Variants in NCAM2 observed in about 807,000 individuals in gnomAD.
NCAM2 encodes N-CAM-2.
A neutral mutation model predicts 98.1 loss-of-function variants in NCAM2; 30 were observed. The ratio of observed to expected loss-of-function variants is 0.31; its 90% CI spans 0.23 to 0.41. NCAM2 has a LOEUF of 0.41. Ranked by LOEUF, NCAM2 falls within the 10% of genes least tolerant of loss-of-function variation. The pLI, the probability that NCAM2 is intolerant of heterozygous loss-of-function variation, is 1.00. For synonymous variants in NCAM2, 368 were observed against 342.4 expected, an observed-to-expected ratio of 1.07 and a Z score of -0.83; for missense variants, 867 against 1,005.8, an observed-to-expected ratio of 0.86 and a Z score of 1.87.
At chr21:21,286,157 C>T in intron 3 of NCAM2, 112 bp from the exon 4 acceptor site, 4 of 1,149,230 alleles carry the variant, frequency 3.5e-6, no homozygotes, top group Non-Finnish European at 4.8e-6. Context: ...TCTAGGTTTC[C>T]CTAATTATTT....
intron 1 of NCAM2, among the ~76,000 whole-genome samples, chr21:21,151,654 T>C (rs1208867952): frequency 6.6e-6 from 1 of 152,070 alleles, no homozygotes; most frequent in African/African-American, 2.4e-5. Flanking sequence ...ATGATTCTTA[T>C]TATTTGAAAT....
At chr21:21,480,807 C>G (rs1380905477) in intron 15 of NCAM2, among the ~76,000 whole-genome samples, 4 of 152,174 alleles carry the variant, frequency 2.6e-5, no homozygotes, top group African/African-American at 7.2e-5. Context: ...CTAACGCTGC[C>G]TTTGCAATAG....
chr21:21,377,992 A>G (rs879411094), intron 9 of NCAM2, among the ~76,000 whole-genome samples: 1 of 152,020 alleles, frequency 6.6e-6, no homozygotes, highest in Non-Finnish European at 1.5e-5. Flanking sequence ...AGATTCATCC[A>G]TGTTGTGCAA....
chr21:21,202,967 C>T (rs2069291673), intron 1 of NCAM2, among the ~76,000 whole-genome samples: 1 of 151,984 alleles, frequency 6.6e-6, no homozygotes, highest in Non-Finnish European at 1.5e-5. Context: ...CCACTGTGAC[C>T]ATCACTATCA....
intron 1 of NCAM2, among the ~76,000 whole-genome samples, chr21:21,240,612 C>T (rs2071029477): frequency 6.6e-6 from 1 of 152,118 alleles, no homozygotes; most frequent in Non-Finnish European, 1.5e-5. Context: ...CTTTGAATGA[C>T]AAATTATTCT....
chr21:21,452,482 A>AT (rs1345604567), intron 12 of NCAM2, among the ~76,000 whole-genome samples: 1 of 138,754 alleles, frequency 7.2e-6, no homozygotes, highest in Non-Finnish European at 1.5e-5. Context: ...GCATCAATAG[A>AT]TAAAATATCA....
chr21:21,411,480 A>G (rs2145923038), intron 10 of NCAM2, among the ~76,000 whole-genome samples: 1 of 151,980 alleles, frequency 6.6e-6, no homozygotes, highest in Admixed American at 6.6e-5. Flanking sequence ...AATTATTTTT[A>G]TATTGCCAAG....
At chr21:21,404,031 G>T (rs1254750796) in intron 9 of NCAM2, among the ~76,000 whole-genome samples, 5 of 151,970 alleles carry the variant, frequency 3.3e-5, no homozygotes, top group African/African-American at 9.7e-5. Flanking sequence ...CCCTCTTTAT[G>T]ATAAAAATAA....
intron 15 of NCAM2, among the ~76,000 whole-genome samples, chr21:21,494,338 T>C (rs950480280): frequency 2.6e-5 from 4 of 151,960 alleles, no homozygotes; most frequent in African/African-American, 9.7e-5. Flanking sequence ...AATATATTTT[T>C]CATTTTCTAT....
chr21:21,285,018 G>A (rs2147521049), intron 3 of NCAM2, among the ~76,000 whole-genome samples: 1 of 151,794 alleles, frequency 6.6e-6, no homozygotes, highest in East Asian at 1.9e-4. Context: ...GTTGACTCCT[G>A]CATTTTAAAG....
intron 15 of NCAM2, among the ~76,000 whole-genome samples, chr21:21,491,125 T>G (rs1986812937): frequency 6.6e-6 from 1 of 151,832 alleles, no homozygotes; most frequent in Admixed American, 6.6e-5. Context: ...ACTCAATTTT[T>G]GGATAACCCA....
At chr21:21,280,744 G>A (rs1426188578) in intron 2 of NCAM2, 92 bp downstream of exon 2, 11 of 785,052 alleles carry the variant, frequency 1.4e-5, no homozygotes, top group Non-Finnish European at 2.1e-5. Flanking sequence ...TAAAAACTCA[G>A]TTCTCTAACA....
chr21:21,351,598 C>CT (rs992824614), intron 8 of NCAM2, among the ~76,000 whole-genome samples: 1 of 151,968 alleles, frequency 6.6e-6, no homozygotes, highest in Non-Finnish European at 1.5e-5. Context: ...TTAAACCATG[C>CT]TTTTTTTCAA....
intron 5 of NCAM2, among the ~76,000 whole-genome samples, chr21:21,315,677 T>C (rs2074200257): frequency 1.3e-5 from 2 of 152,194 alleles, no homozygotes; most frequent in Admixed American, 1.3e-4. Flanking sequence ...TCTAGAGCAG[T>C]GTTGATGACA....
At chr21:21,406,000 C>G (rs61509612) in intron 9 of NCAM2, among the ~76,000 whole-genome samples, 12,599 of 152,140 alleles carry the variant, frequency 0.083, 1,212 homozygotes, top group African/African-American at 0.23. Flanking sequence ...ACTGATGCAT[C>G]TGCTTCACAT....
chr21:21,416,285 G>A (rs530696357), intron 10 of NCAM2, among the ~76,000 whole-genome samples: 1 of 152,094 alleles, frequency 6.6e-6, no homozygotes, highest in Non-Finnish European at 1.5e-5. Flanking sequence ...TGTCTTAGGG[G>A]CACAGTTTGT....
At chr21:21,375,413 T>C (rs2076011184) in intron 9 of NCAM2, among the ~76,000 whole-genome samples, 1 of 151,786 alleles carries the variant, frequency 6.6e-6, no homozygotes, top group African/African-American at 2.4e-5. Context: ...ATTACTGACT[T>C]CATTTGCTGA....
chr21:21,498,959 A>G (rs1188445866), intron 15 of NCAM2, among the ~76,000 whole-genome samples: 1 of 152,166 alleles, frequency 6.6e-6, no homozygotes, highest in Non-Finnish European at 1.5e-5. Flanking sequence ...CCAAAGTCAT[A>G]TATGAGTGAC....
rs573001868 is a variant in NCAM2, at chr21:21,155,809, T to C, written c.56-124769T>C. On this transcript the variant is annotated intron_variant, in intron 1 of 17. Coordinates refer to ENST00000400546, the MANE Select transcript of NCAM2 (RefSeq NM_004540.5). ...ATACTGATTCTACTCTATACAACCA[T>C]GGGAGCAAGTTTTTCAAAATAAGTT... 4.0e-3 allele frequency among the ~76,000 whole-genome samples: 610 copies of C among 152,054 alleles called. 3 individuals are homozygous for C. Among genetic ancestry groups the C allele is most frequent in the African/African-American group, 0.014 (577 of 41,526 alleles).
Sources: allele counts gnomAD v4.1 joint callset (sites outside exome capture counted in the v4.1 genomes callset), GRCh38; gene constraint gnomAD v4.1.1; transcripts MANE v1.5; gene names NCBI Gene and HGNC (gene_info 2026-07-23, HGNC 2026-07-21).